The following CHD7 variants were observed in gnomAD, a reference collection of about 807,000 sequenced individuals.
CHD7 encodes ATP-dependent chromatin remodeler CHD7.
CHD7 carries 24 observed loss-of-function variants against 307.3 expected under a neutral mutation model. The observed-to-expected ratio is 0.08, with a 90% confidence interval of 0.06 to 0.11. The LOEUF is 0.11. CHD7 is among the 10% of genes least tolerant of loss of function. The pLI, the probability that CHD7 is intolerant of heterozygous loss-of-function variation, is 1.00. For synonymous variants in CHD7, 1,363 were observed against 1,349.9 expected (o/e 1.01, Z -0.21); for missense variants, 3,106 against 3,727.1 (o/e 0.83, Z 4.34).
intron 25 of CHD7, 83 bp from the exon 26 acceptor site, chr8:60,850,410 T>A: frequency 6.7e-7 from 1 of 1,492,792 alleles, no homozygotes; most frequent in Non-Finnish European, 9.1e-7. Flanking sequence ...CAAACTTGTG[T>A]TGTGGCAGTG....
chr8:60,853,414 A>C lies in CHD7; in HGVS notation c.6689A>C (p.Lys2230Thr). The change falls in exon 31 of 38, where the codon AAA becomes ACA. Residue 2230 changes from lysine to threonine, a missense_variant. Around this residue, in one of 10 missense-constraint regions of CHD7, gnomAD observed 1,030 missense variants for 1,165.4 expected, o/e 0.88. Transcript: ENST00000423902. The stretch of plus-strand genomic sequence containing the variant: ...GAGGTCGGCGCAGACACTGGGTCCA[A>C]ATCTATTTCAGAGAAAGGTTCCGAA... ...GVEVGADTGS[K>T]SISEKGSEED... is the part of the protein sequence containing the mutation. 1 of 1,525,150 alleles carries C rather than the reference A, an allele frequency of 6.6e-7. No individual in the cohort carries two copies. The highest frequency in any genetic ancestry group is 8.8e-7 in the Non-Finnish European group (1 of 1,140,574). 94.5% of individuals were successfully genotyped at this position (1,525,150 alleles called of 1,614,324 possible). A position where few individuals can be genotyped will look rare whatever the true frequency, so the allele number is the denominator to read the frequency against.
intron 1 of CHD7, among the ~76,000 whole-genome samples, chr8:60,704,476 A>C (rs559764192): frequency 6.6e-6 from 1 of 152,154 alleles, no homozygotes; most frequent in South Asian, 2.1e-4. Flanking sequence ...CTTCTTGCCC[A>C]AAGGTTCTGC....
chr8:60,709,304 T>A (rs1294203217), intron 1 of CHD7, among the ~76,000 whole-genome samples: 1 of 152,184 alleles, frequency 6.6e-6, no homozygotes, highest in African/African-American at 2.4e-5. Context: ...TTGTGTATGC[T>A]TGACTGGAAC....
chr8:60,741,794 G>C lies in CHD7; in HGVS notation c.362G>C (p.Gly121Ala). 6.2e-7 allele frequency: 1 copy of C among 1,613,944 alleles called. No individual in the cohort carries two copies. Among genetic ancestry groups the C allele is most frequent in the Non-Finnish European group, 8.5e-7 (1 of 1,179,878 alleles). ...PQVPHGGSGGGQMGVYPGMQN... is the reference protein window; with the variant it reads ...PQVPHGGSGGAQMGVYPGMQN... ...GTGCCCCATGGTGGCAGTGGTGGCG[G>C]TCAGATGGGTGTCTACCCTGGCATG... Residue 121 changes from glycine to alanine, a missense_variant, in exon 2 of 38, where the codon GGT (glycine) becomes GCT (alanine). Physicochemically the swap from Gly to Ala is moderately conservative, Grantham distance 60. Transcript: ENST00000423902.
intron 2 of CHD7, among the ~76,000 whole-genome samples, chr8:60,764,508 G>T (rs1810373914): frequency 1.3e-5 from 2 of 151,988 alleles, no homozygotes; most frequent in African/African-American, 4.8e-5. Flanking sequence ...CAGTGTCTCT[G>T]GGAATGAGAT....
intron 3 of CHD7, 120 bp downstream of exon 3, chr8:60,781,550 GTTTC>G: frequency 4.5e-6 from 6 of 1,345,870 alleles, no homozygotes; most frequent in Non-Finnish European, 5.9e-6. Flanking sequence ...TCATCATTGA[GTTTC>G]TTTCCCTAAT....
chr8:60,758,827 A>C (rs1023086825), intron 2 of CHD7, among the ~76,000 whole-genome samples: 3 of 152,166 alleles, frequency 2.0e-5, no homozygotes, highest in Admixed American at 6.5e-5. Context: ...CAGTTTCCTC[A>C]CAGAAAAGAT....
At chr8:60,685,197 A>G (rs1021003747) in intron 1 of CHD7, among the ~76,000 whole-genome samples, 2 of 152,230 alleles carry the variant, frequency 1.3e-5, no homozygotes, top group African/African-American at 4.8e-5. Flanking sequence ...TTGCATTGCT[A>G]GTGGCATTCC....
At chr8:60,810,771 T>C (rs763580744) in intron 7 of CHD7, among the ~76,000 whole-genome samples, 17 of 152,276 alleles carry the variant, frequency 1.1e-4, no homozygotes, top group Non-Finnish European at 1.8e-4. Flanking sequence ...TTGGTTATTC[T>C]CTTTTCCTAC....
At chr8:60,793,515 G>A (rs1319963952) in intron 3 of CHD7, among the ~76,000 whole-genome samples, 2 of 152,018 alleles carry the variant, frequency 1.3e-5, no homozygotes, top group Non-Finnish European at 2.9e-5. Flanking sequence ...TGTGTGATGG[G>A]TAGTTTATTA....
At chr8:60,777,672 T>C (rs933402176) in intron 2 of CHD7, among the ~76,000 whole-genome samples, 15 of 152,196 alleles carry the variant, frequency 9.9e-5, no homozygotes, top group African/African-American at 3.6e-4. Context: ...TCTTTTCTGA[T>C]TTATATGTTG....
At chr8:60,782,256 C>G (rs1811277993) in intron 3 of CHD7, among the ~76,000 whole-genome samples, 1 of 152,158 alleles carries the variant, frequency 6.6e-6, no homozygotes, top group South Asian at 2.1e-4. Context: ...TTTGCAAACT[C>G]CATTAGAAAA....
intron 1 of CHD7, among the ~76,000 whole-genome samples, chr8:60,693,927 G>C (rs1035529503): frequency 2.0e-5 from 3 of 152,242 alleles, no homozygotes; most frequent in African/African-American, 7.2e-5. Flanking sequence ...CCATTTGGTG[G>C]CACAAGCATC....
intron 2 of CHD7, among the ~76,000 whole-genome samples, chr8:60,754,301 A>G (rs1809781593): frequency 6.6e-6 from 1 of 152,200 alleles, no homozygotes; most frequent in Non-Finnish European, 1.5e-5. Flanking sequence ...TAACTTCCCT[A>G]AACCTCAGTT....
At chr8:60,696,699 C>G (rs1162785478) in intron 1 of CHD7, among the ~76,000 whole-genome samples, 1 of 151,512 alleles carries the variant, frequency 6.6e-6, no homozygotes, top group Admixed American at 6.6e-5. Context: ...TCAAGAAACT[C>G]TCTGATACTG....
At chr8:60,733,356 A>G (rs1048315809) in intron 1 of CHD7, among the ~76,000 whole-genome samples, 12 of 152,342 alleles carry the variant, frequency 7.9e-5, no homozygotes, top group African/African-American at 2.4e-4. Flanking sequence ...TTGCCATACA[A>G]TGTTGAGTAC....
At chr8:60,804,605 A>T (rs1161258187) in intron 6 of CHD7, among the ~76,000 whole-genome samples, 1 of 152,206 alleles carries the variant, frequency 6.6e-6, no homozygotes, top group East Asian at 1.9e-4. Flanking sequence ...GTGAAAAGGG[A>T]TTCATACCCA....
chr8:60,820,523 A>G (rs1373464628), intron 9 of CHD7, among the ~76,000 whole-genome samples: 1 of 152,208 alleles, frequency 6.6e-6, no homozygotes, highest in Non-Finnish European at 1.5e-5. Context: ...ACAGAGGCTA[A>G]TAGACATTAT....
At chr8:60,693,585 CGA>C (rs1341225927) in intron 1 of CHD7, among the ~76,000 whole-genome samples, 1 of 152,166 alleles carries the variant, frequency 6.6e-6, no homozygotes, top group Non-Finnish European at 1.5e-5. Flanking sequence ...CCTCAGCTAT[CGA>C]GCCCCTGCTC....
Sources: gnomAD v4.1 joint callset for allele counts (sites outside exome capture counted in the v4.1 genomes callset) on GRCh38, gnomAD v4.1.1 for gene constraint, gnomAD v4.1.1 regional missense constraint, MANE v1.5 for transcripts, NCBI Gene and HGNC (gene_info 2026-07-23, HGNC 2026-07-21) for gene names.